The following ZMIZ1 variants were observed in gnomAD, a reference collection of about 807,000 sequenced individuals.
ZMIZ1 encodes the protein zinc finger MIZ-type containing 1, also known as zinc finger MIZ domain-containing protein 1.
ZMIZ1 carries 17 observed loss-of-function variants against 113.9 expected under a neutral mutation model. That is an observed-to-expected ratio of 0.15 (90% CI 0.10 to 0.22). The LOEUF is 0.22. ZMIZ1 is among the 10% of genes least tolerant of loss of function. The pLI is 1.00. For missense variants in ZMIZ1, 1,059 were observed against 1,477.8 expected, an observed-to-expected ratio of 0.72 and a Z score of 4.65; for synonymous variants, 607 against 603.1, an observed-to-expected ratio of 1.01 and a Z score of -0.09.
intron 4 of ZMIZ1, among the ~76,000 whole-genome samples, chr10:79,177,811 G>A (rs1846935659): frequency 1.3e-5 from 2 of 152,154 alleles, no homozygotes; most frequent in Admixed American, 1.3e-4. Context: ...CAGAAAGTCT[G>A]GAAGTCAGAA....
intron 4 of ZMIZ1, among the ~76,000 whole-genome samples, chr10:79,169,801 G>A (rs1471176154): frequency 6.6e-6 from 1 of 152,254 alleles, no homozygotes; most frequent in East Asian, 1.9e-4. Flanking sequence ...CCACCTGGCA[G>A]GATAAAATGC....
rs75225077 is a variant in ZMIZ1, at chr10:79,274,224, G to T, written c.281-2957G>T. 6.4e-3 allele frequency among the ~76,000 whole-genome samples: 970 copies of T among 152,326 alleles called. 6 individuals carry two copies. Among genetic ancestry groups the T allele is most frequent in the African/African-American group, 9.8e-3 (408 of 41,572 alleles). On this transcript the variant is annotated intron_variant, in intron 7 of 24. Coordinates refer to ENST00000334512, the MANE Select transcript of ZMIZ1 (RefSeq NM_020338.4). ...CCTCCCATTGCCTGGTATGCTCTGC[G>T]CACACCACACCAGGTCCTCCCGTCT...
chr10:79,119,550 C>A (rs1844195104), intron 2 of ZMIZ1, among the ~76,000 whole-genome samples: 1 of 152,192 alleles, frequency 6.6e-6, no homozygotes, highest in Admixed American at 6.5e-5. Context: ...GGGTTCAAGT[C>A]CAGGTCTGTG....
At chr10:79,177,941 TAA>T (rs1846941009) in intron 4 of ZMIZ1, among the ~76,000 whole-genome samples, 1 of 152,192 alleles carries the variant, frequency 6.6e-6, no homozygotes, top group African/African-American at 2.4e-5. Context: ...TCTTTTGGAC[TAA>T]GTCACGAGGA....
intron 4 of ZMIZ1, among the ~76,000 whole-genome samples, chr10:79,184,655 C>A (rs1281360377): frequency 6.6e-6 from 1 of 152,204 alleles, no homozygotes; most frequent in Non-Finnish European, 1.5e-5. Flanking sequence ...CCAGACCTTT[C>A]AATCTTTCTC....
At chr10:79,174,672 TG>T (rs534322098) in intron 4 of ZMIZ1, among the ~76,000 whole-genome samples, 63 of 152,278 alleles carry the variant, frequency 4.1e-4, no homozygotes, top group Admixed American at 1.3e-3. Context: ...CAAGCCCAGT[TG>T]GTGTGGGGCA....
chr10:79,085,155 A>T (rs563139943), intron 1 of ZMIZ1, among the ~76,000 whole-genome samples: 1 of 152,168 alleles, frequency 6.6e-6, no homozygotes, highest in African/African-American at 2.4e-5. Flanking sequence ...GGTGGGCACC[A>T]TGTTCTTACT....
At chr10:79,311,913 C>G (rs1855199246) in intron 24 of ZMIZ1, among the ~76,000 whole-genome samples, 1 of 152,254 alleles carries the variant, frequency 6.6e-6, no homozygotes, top group Non-Finnish European at 1.5e-5. Flanking sequence ...CTCGGCCCCT[C>G]CTGTTCTTCA....
chr10:79,298,670 G>A, intron 15 of ZMIZ1, 90 bp downstream of exon 15: 1 of 1,244,774 alleles, frequency 8.0e-7, no homozygotes, highest in Admixed American at 2.5e-5. Flanking sequence ...TGCCTGGGGA[G>A]TGGGCATCAG....
Position 79,313,750 on chromosome 10 carries a change from C to G in ZMIZ1, c.*1001C>G, listed in dbSNP as rs746614388. On this transcript the variant is annotated 3_prime_UTR_variant, in exon 25 of 25. Coordinates refer to ENST00000334512, the MANE Select transcript of ZMIZ1 (RefSeq NM_020338.4). ...GGACAGCAAGCAAACCATTTCTCTC[C>G]GTCTGTTCTGTTTTTCTCCTAGTCC... The G allele has an allele frequency of 3.2e-6, 1 of 316,606 alleles. No homozygotes were observed. Among genetic ancestry groups the G allele is most frequent in the Non-Finnish European group, 6.3e-6 (1 of 159,862 alleles). 19.6% of individuals were successfully genotyped at this position (316,606 alleles called of 1,614,324 possible).
At chr10:79,233,276 C>T (rs1294175651) in intron 7 of ZMIZ1, among the ~76,000 whole-genome samples, 1 of 152,248 alleles carries the variant, frequency 6.6e-6, no homozygotes, top group African/African-American at 2.4e-5. Flanking sequence ...TGCTTGGCCC[C>T]TGCCTTAGTC....
At chr10:79,178,309 C>A (rs772183329) in intron 4 of ZMIZ1, among the ~76,000 whole-genome samples, 3 of 152,240 alleles carry the variant, frequency 2.0e-5, no homozygotes, top group Non-Finnish European at 4.4e-5. Flanking sequence ...TTACTGACAA[C>A]CTGCAGGTGT....
In ZMIZ1 at chr10:79,291,132, G is replaced by A. The variant is rs769526383; in HGVS notation, c.714G>A (p.Met238Ile). 9.9e-6 allele frequency: 16 copies of A among 1,613,522 alleles called. No individual in the cohort carries two copies. The highest frequency in any genetic ancestry group is 1.3e-5 in the Non-Finnish European group (15 of 1,179,550). Reference sequence around the variant, plus strand: ...CTCAGCCCTACATCCAGCAGAGCATGTATGGCCGGCCCAACTACCCCGGCA... The same window carrying A: ...CTCAGCCCTACATCCAGCAGAGCATATATGGCCGGCCCAACTACCCCGGCA... ...GPAQPYIQQS[M>I]YGRPNYPGSG... is the part of the protein sequence containing the mutation. The change falls in exon 10 of 25, where the codon ATG becomes ATA. Residue 238 changes from methionine (M) to isoleucine (I), a missense_variant. By Grantham distance (10) the Met-to-Ile change is conservative. This residue lies in a region of ZMIZ1 where 272 missense variants were observed against 350.4 expected (regional missense o/e 0.78). Transcript: ENST00000334512.
intron 4 of ZMIZ1, among the ~76,000 whole-genome samples, chr10:79,163,415 TA>T (rs1286612379): frequency 6.6e-6 from 1 of 152,254 alleles, no homozygotes; most frequent in African/African-American, 2.4e-5. Flanking sequence ...TGAGGCTGAT[TA>T]TACTGACATT....
intron 2 of ZMIZ1, among the ~76,000 whole-genome samples, chr10:79,137,048 G>A (rs185039414): frequency 2.6e-5 from 4 of 152,320 alleles, no homozygotes; most frequent in African/African-American, 4.8e-5. Flanking sequence ...TTTCTTTTCT[G>A]ATTCTAAATA....
At chr10:79,114,480 TGTGTGTGTGTGTGC>T (rs1554852463) in intron 1 of ZMIZ1, among the ~76,000 whole-genome samples, 5 of 116,108 alleles carry the variant, frequency 4.3e-5, no homozygotes, top group South Asian at 5.5e-4. Flanking sequence ...TGTGTGTCTG[TGTGTGTGTGTGTGC>T]GTGTGTGTGT....
At chr10:79,099,837 A>G (rs893437025) in intron 1 of ZMIZ1, among the ~76,000 whole-genome samples, 1 of 152,078 alleles carries the variant, frequency 6.6e-6, no homozygotes. Flanking sequence ...AAAAGCAGGT[A>G]GGTCTTCTTT....
chr10:79,223,344 C>T (rs1416632052), intron 7 of ZMIZ1, among the ~76,000 whole-genome samples: 1 of 152,236 alleles, frequency 6.6e-6, no homozygotes, highest in East Asian at 1.9e-4. Context: ...GAAATGCCAG[C>T]CGCCTGGCAG....
chr10:79,191,388 C>T (rs888994582), intron 4 of ZMIZ1, among the ~76,000 whole-genome samples: 2 of 152,084 alleles, frequency 1.3e-5, no homozygotes, highest in African/African-American at 4.8e-5. Flanking sequence ...GGGGTCCTGC[C>T]TCTGTCTACA....
Sources: allele counts gnomAD v4.1 joint callset (sites outside exome capture counted in the v4.1 genomes callset), GRCh38; gene constraint gnomAD v4.1.1; regional missense constraint gnomAD v4.1.1; transcripts MANE v1.5; gene names NCBI Gene and HGNC (gene_info 2026-07-23, HGNC 2026-07-21).